The following PIK3R3 variants were observed in gnomAD, a reference collection of about 807,000 sequenced individuals.
PIK3R3 encodes phosphoinositide-3-kinase regulatory subunit 3, also known as phosphatidylinositol 3-kinase regulatory subunit gamma.
Under a neutral mutation model 62.9 loss-of-function variants are expected in PIK3R3, and 64 were observed. The observed-to-expected ratio is 1.02, with a 90% CI of 0.83 to 1.25. The LOEUF (loss-of-function observed/expected upper bound fraction) is 1.25. Among genes scored for constraint, PIK3R3 ranks in the 50% most tolerant of loss-of-function variants. The pLI is 0.00. For synonymous variants in PIK3R3, 165 were observed against 189.0 expected, an observed-to-expected ratio of 0.87 and a Z score of 1.04; for missense variants, 614 against 561.6, an observed-to-expected ratio of 1.09 and a Z score of -0.94.
In PIK3R3 at chr1:46,112,719, T is replaced by A. The variant is rs79889780; in HGVS notation, c.106+19128A>T. On this transcript the variant is annotated intron_variant, in intron 1 of 9. Coordinates refer to ENST00000262741, the MANE Select transcript of PIK3R3 (RefSeq NM_003629.4). Reference sequence around the variant, plus strand: ...GAACTCAGTAATATCTGATTTACTATCATCCGCTCTAGTCCCCAAACCTAG... The same window carrying A: ...GAACTCAGTAATATCTGATTTACTAACATCCGCTCTAGTCCCCAAACCTAG... Among the ~76,000 whole-genome samples, 537 of 152,270 alleles carry A rather than the reference T, an allele frequency of 3.5e-3. 6 individuals are homozygous for A. Among genetic ancestry groups the A allele is most frequent in the East Asian group, 0.034 (177 of 5,182 alleles).
intron 1 of PIK3R3, among the ~76,000 whole-genome samples, chr1:46,110,556 A>G (rs1439048204): frequency 3.3e-5 from 5 of 152,070 alleles, no homozygotes; most frequent in Non-Finnish European, 5.9e-5. Flanking sequence ...AGCTCTTCTC[A>G]ACCTTCTAAT....
chr1:46,166,475 T>G, the PIK3R3 span, among the ~76,000 whole-genome samples: 1 of 151,806 alleles, frequency 6.6e-6, no homozygotes, highest in African/African-American at 2.4e-5. Flanking sequence ...TGCCCGCCTC[T>G]GCCTCCCAAA....
intron 1 of PIK3R3, among the ~76,000 whole-genome samples, chr1:46,094,621 C>T (rs771770251): frequency 3.9e-5 from 6 of 152,244 alleles, no homozygotes; most frequent in African/African-American, 7.2e-5. Flanking sequence ...ACTTCACTGA[C>T]TATTTGGCAT....
chr1:46,063,017 T>TA (rs1320286331), intron 5 of PIK3R3, among the ~76,000 whole-genome samples: 1 of 152,206 alleles, frequency 6.6e-6, no homozygotes, highest in Non-Finnish European at 1.5e-5. Flanking sequence ...CATCTGGTGA[T>TA]AGAGATTTGT....
chr1:46,165,293 ATTC>A, the PIK3R3 span, among the ~76,000 whole-genome samples: 92 of 139,576 alleles, frequency 6.6e-4, no homozygotes, highest in Admixed American at 1.1e-3. Context: ...AGGTATTTCT[ATTC>A]TTCTTCTTCT....
chr1:46,099,775 C>G (rs1652481449), intron 1 of PIK3R3, among the ~76,000 whole-genome samples: 1 of 152,128 alleles, frequency 6.6e-6, no homozygotes, highest in African/African-American at 2.4e-5. Context: ...ATACACTTTA[C>G]TAGATATTGC....
chr1:46,143,016 G>A, the PIK3R3 span, among the ~76,000 whole-genome samples: 2 of 152,000 alleles, frequency 1.3e-5, no homozygotes, highest in Non-Finnish European at 2.9e-5. Flanking sequence ...TTGTGTAGAT[G>A]TGAGAGATGC....
At chr1:46,168,180 A>T in the PIK3R3 span, among the ~76,000 whole-genome samples, 1 of 152,104 alleles carries the variant, frequency 6.6e-6, no homozygotes, top group Non-Finnish European at 1.5e-5. Context: ...ATTAAATTAA[A>T]TTTAAAAAAA....
At chr1:46,117,774 AAG>A (rs376925517) in intron 1 of PIK3R3, among the ~76,000 whole-genome samples, 9 of 152,128 alleles carry the variant, frequency 5.9e-5, no homozygotes, top group South Asian at 2.1e-4. Context: ...AAGAGAAAGA[AAG>A]AGAGAAAAAT....
the PIK3R3 span, among the ~76,000 whole-genome samples, chr1:46,171,149 C>A: frequency 6.6e-6 from 1 of 152,174 alleles, no homozygotes; most frequent in African/African-American, 2.4e-5. Context: ...CATGCCGGTG[C>A]AGAGGAAGGT....
At chr1:46,092,198 G>A (rs1302535773) in intron 1 of PIK3R3, among the ~76,000 whole-genome samples, 3 of 152,180 alleles carry the variant, frequency 2.0e-5, no homozygotes, top group Admixed American at 1.3e-4. Flanking sequence ...CATCTTAAAT[G>A]AAGGCGCCTT....
At chr1:46,096,048 C>T (rs185357571) in intron 1 of PIK3R3, among the ~76,000 whole-genome samples, 30 of 152,178 alleles carry the variant, frequency 2.0e-4, no homozygotes, top group Admixed American at 1.7e-3. Context: ...CCTCCTAAAG[C>T]GCTGGGATTA....
upstream of PIK3R3, among the ~76,000 whole-genome samples, chr1:46,137,638 A>G (rs1655977415): frequency 6.6e-6 from 1 of 152,222 alleles, no homozygotes; most frequent in South Asian, 2.1e-4. Flanking sequence ...GCCTCTGCAC[A>G]GCCCTTGGCA....
chr1:46,124,094 A>G (rs550386790), intron 1 of PIK3R3, among the ~76,000 whole-genome samples: 1 of 152,226 alleles, frequency 6.6e-6, no homozygotes, highest in African/African-American at 2.4e-5. Context: ...TTTGACTGCA[A>G]GAGTACCCAA....
At chr1:46,142,357 ATG>A in the PIK3R3 span, among the ~76,000 whole-genome samples, 1 of 152,192 alleles carries the variant, frequency 6.6e-6, no homozygotes. Context: ...GGAAGAAAAC[ATG>A]TACAAAACCC....
chr1:46,046,710 G>C, intron 7 of PIK3R3, 85 bp from the exon 8 acceptor site: 1 of 884,812 alleles, frequency 1.1e-6, no homozygotes, highest in Non-Finnish European at 1.9e-6. Context: ...TAAACTTCTA[G>C]AGTCTAGACA....
At chr1:46,136,445 C>T (rs894336818), upstream of PIK3R3, among the ~76,000 whole-genome samples, 2 of 152,176 alleles carry the variant, frequency 1.3e-5, no homozygotes, top group African/African-American at 4.8e-5. Context: ...TGTCTAAAAT[C>T]GTGATTTTCC....
chr1:46,125,334 C>A (rs907892860), intron 1 of PIK3R3, among the ~76,000 whole-genome samples: 2 of 151,826 alleles, frequency 1.3e-5, no homozygotes, highest in African/African-American at 4.8e-5. Context: ...GCATTTGTCC[C>A]AAACGACAAT....
intron 1 of PIK3R3, among the ~76,000 whole-genome samples, chr1:46,096,804 G>A (rs550794519): frequency 2.0e-5 from 3 of 149,364 alleles, no homozygotes; most frequent in Non-Finnish European, 4.4e-5. Flanking sequence ...TAGTGTCACT[G>A]CACTCCATCC....
Sources: allele counts gnomAD v4.1 joint callset (sites outside exome capture counted in the v4.1 genomes callset), GRCh38; gene constraint gnomAD v4.1.1; transcripts MANE v1.5; gene names NCBI Gene and HGNC (gene_info 2026-07-23, HGNC 2026-07-21).